The following TSC22D1 variants were observed in gnomAD, a reference collection of about 807,000 sequenced individuals.
TSC22D1 encodes TSC22 domain family protein 1.
TSC22D1 carries 9 observed loss-of-function variants against 74.2 expected under a neutral mutation model. The ratio of observed to expected loss-of-function variants is 0.12; its 90% confidence interval spans 0.07 to 0.21. The LOEUF (loss-of-function observed/expected upper bound fraction) is 0.21. Ranked by LOEUF, TSC22D1 falls within the 10% of genes least tolerant of loss-of-function variation. TSC22D1 has a pLI of 1.00. For missense variants in TSC22D1, 1,427 were observed against 1,304.7 expected (o/e 1.09, Z -1.44); for synonymous variants, 586 against 492.5 (o/e 1.19, Z -2.51).
chr13:44,536,928 A>AG (rs1881168029), intron 1 of TSC22D1: 2 of 148,060 alleles, frequency 1.4e-5, no homozygotes, highest in African/African-American at 5.5e-4. Flanking sequence ...ATTTTTCTGA[A>AG]AAAAAAAAAA....
chr13:44,531,459 T>C (rs1181807526), intron 1 of TSC22D1, among the ~76,000 whole-genome samples: 2 of 152,222 alleles, frequency 1.3e-5, no homozygotes, highest in Admixed American at 1.3e-4. Flanking sequence ...AACTCTGAGC[T>C]TCAACATTTT....
intron 1 of TSC22D1, among the ~76,000 whole-genome samples, chr13:44,468,296 G>T (rs1185828251): frequency 6.6e-6 from 1 of 150,534 alleles, no homozygotes; most frequent in African/African-American, 2.4e-5. Flanking sequence ...CGGGTGATGG[G>T]TACACTAAAA....
chr13:44,439,388 C>T (rs1875004538), intron 1 of TSC22D1, among the ~76,000 whole-genome samples: 1 of 152,144 alleles, frequency 6.6e-6, no homozygotes, highest in Non-Finnish European at 1.5e-5. Flanking sequence ...TGTATGAAAA[C>T]TGAGAAGACA....
intron 1 of TSC22D1, among the ~76,000 whole-genome samples, chr13:44,550,920 A>G (rs1882193161): frequency 6.6e-6 from 1 of 151,678 alleles, no homozygotes; most frequent in Non-Finnish European, 1.5e-5. Flanking sequence ...AGCCTGGGTG[A>G]CAAAGTGAGA....
intron 1 of TSC22D1, among the ~76,000 whole-genome samples, chr13:44,493,320 T>C (rs1878810676): frequency 6.6e-6 from 1 of 152,176 alleles, no homozygotes; most frequent in Non-Finnish European, 1.5e-5. Flanking sequence ...CAAAGAACTG[T>C]GTTTGTCTGT....
chr13:44,460,777 A>C lies in TSC22D1; in HGVS notation c.2913-24682T>G, dbSNP rs1173021048. ...GAGGAGATAGTCTTTCTTTCCCACC[A>C]CAGCTCCTTTCCACAAATACTTAAT... On this transcript the variant is annotated intron_variant, in intron 1 of 2. Transcript: ENST00000458659. 2.6e-5 allele frequency among the ~76,000 whole-genome samples: 4 copies of C among 152,180 alleles called. No homozygotes were observed. The East Asian group carries it at 7.7e-4, about 29-fold the overall frequency.
Position 44,574,063 on chromosome 13 carries a change from T to A in TSC22D1, c.2012A>T (p.Gln671Leu). The A allele has an allele frequency of 6.2e-7, 1 of 1,614,260 alleles. No individual in the cohort carries two copies. Among genetic ancestry groups the A allele is most frequent in the South Asian group, 1.1e-5 (1 of 91,090 alleles). The change falls in exon 1 of 3, where the codon CAG (glutamine) becomes CTG (leucine). Residue 671 changes from glutamine (Q) to leucine (L), a missense_variant. This residue lies in a region of TSC22D1 where 1,343 missense variants were observed against 1,191.5 expected (regional missense o/e 1.13). Coordinates refer to ENST00000458659, the MANE Select transcript of TSC22D1 (RefSeq NM_183422.4). Reference sequence around the variant, plus strand: ...TGCTCCTACTCCTGCAGAACTGGGCTGTCCGGAGGACATTGCTGTTTGAAG... The same window carrying A: ...TGCTCCTACTCCTGCAGAACTGGGCAGTCCGGAGGACATTGCTGTTTGAAG... ...PILQTAMSSG[Q>L]PSSAGVGAGT... is the part of the protein sequence containing the mutation.
intron 1 of TSC22D1, among the ~76,000 whole-genome samples, chr13:44,541,335 A>AC (rs1247957852): frequency 2.6e-5 from 4 of 152,222 alleles, no homozygotes; most frequent in African/African-American, 9.6e-5. Flanking sequence ...GAATGAGCTA[A>AC]CCCTTCTGCA....
chr13:44,492,360 GGCT>G (rs1878766363), intron 1 of TSC22D1, among the ~76,000 whole-genome samples: 1 of 152,120 alleles, frequency 6.6e-6, no homozygotes, highest in Non-Finnish European at 1.5e-5. Flanking sequence ...AAAACAGAAT[GGCT>G]GTACAGTTTT....
Position 44,575,074 on chromosome 13 carries a change from C to A in TSC22D1, c.1001G>T (p.Gly334Val), listed in dbSNP as rs761539221. The change falls in exon 1 of 3, where the codon GGT (glycine) becomes GTT (valine). Residue 334 changes from glycine (G) to valine (V), a missense_variant. By Grantham distance (109) the Gly-to-Val change is moderately radical. Coordinates refer to ENST00000458659, the MANE Select transcript of TSC22D1 (RefSeq NM_183422.4). ...FNPNVTSSML[G>V]NVNISTSNIP... ...ATTGCTTGTACTTATATTAACATTA[C>A]CAAGCATGCTGCTTGTCACATTAGG... The A allele has an allele frequency of 6.2e-7, 1 of 1,614,170 alleles. No individual in the cohort carries two copies. Among genetic ancestry groups the A allele is most frequent in the Admixed American group, 1.7e-5 (1 of 60,026 alleles).
chr13:44,483,778 G>A (rs1242784482), intron 1 of TSC22D1, among the ~76,000 whole-genome samples: 1 of 152,110 alleles, frequency 6.6e-6, no homozygotes, highest in African/African-American at 2.4e-5. Flanking sequence ...CTACAGACTG[G>A]TCAATTAAGT....
At chr13:44,538,981 A>C (rs972738616) in intron 1 of TSC22D1, 1 of 985,298 alleles carries the variant, frequency 1.0e-6, no homozygotes, top group African/African-American at 1.7e-5. Context: ...AAAACTTGCC[A>C]AAGGTAACAA....
chr13:44,501,057 A>G (rs1879200889), intron 1 of TSC22D1, among the ~76,000 whole-genome samples: 1 of 152,322 alleles, frequency 6.6e-6, no homozygotes, highest in African/African-American at 2.4e-5. Flanking sequence ...AAAGAACACT[A>G]CATTCTCTGC....
chr13:44,511,967 C>A (rs925858550), intron 1 of TSC22D1, among the ~76,000 whole-genome samples: 2 of 152,084 alleles, frequency 1.3e-5, no homozygotes, highest in African/African-American at 4.8e-5. Context: ...GTACCTTCAA[C>A]CTTCTGCTTT....
intron 1 of TSC22D1, among the ~76,000 whole-genome samples, chr13:44,452,198 T>C (rs1403050687): frequency 1.3e-5 from 2 of 152,078 alleles, no homozygotes; most frequent in African/African-American, 4.8e-5. Context: ...TAACAAGTCA[T>C]GGAACTAAAT....
At chr13:44,493,435 A>G (rs1436278846) in intron 1 of TSC22D1, among the ~76,000 whole-genome samples, 1 of 152,212 alleles carries the variant, frequency 6.6e-6, no homozygotes, top group Non-Finnish European at 1.5e-5. Context: ...TACAGAGGGC[A>G]TTCTTTGAAA....
At chr13:44,477,232 C>A (rs539920102) in intron 1 of TSC22D1, among the ~76,000 whole-genome samples, 1 of 152,148 alleles carries the variant, frequency 6.6e-6, no homozygotes, top group Non-Finnish European at 1.5e-5. Context: ...GGACTGCAGG[C>A]GTGAGCCACC....
At chr13:44,497,566 G>C (rs912074936) in intron 1 of TSC22D1, among the ~76,000 whole-genome samples, 3 of 152,020 alleles carry the variant, frequency 2.0e-5, no homozygotes, top group Non-Finnish European at 4.4e-5. Flanking sequence ...AAGGAAACAA[G>C]AACAACAACA....
At chr13:44,456,155 G>A (rs1017938561) in intron 1 of TSC22D1, among the ~76,000 whole-genome samples, 8 of 152,186 alleles carry the variant, frequency 5.3e-5, no homozygotes, top group African/African-American at 1.9e-4. Context: ...TTACAGCTCA[G>A]CTCATAAAGG....
Sources: allele counts gnomAD v4.1 joint callset (sites outside exome capture counted in the v4.1 genomes callset), GRCh38; gene constraint gnomAD v4.1.1; regional missense constraint gnomAD v4.1.1; transcripts MANE v1.5; gene names NCBI Gene and HGNC (gene_info 2026-07-23, HGNC 2026-07-21).